Variants in ROGDI observed in about 807,000 individuals in gnomAD.
ROGDI encodes protein rogdi homolog.
A neutral mutation model predicts 43.1 loss-of-function variants in ROGDI; 46 were observed. That is an observed-to-expected ratio of 1.07 (90% confidence interval 0.84 to 1.37). The LOEUF is 1.37. ROGDI is among the 40% of genes most tolerant of loss of function. The probability of loss-of-function intolerance (pLI) is 0.00; values close to 1 mark genes in which losing one functional copy is unlikely to be tolerated. For synonymous variants in ROGDI, 243 were observed against 162.0 expected (o/e 1.50, Z -3.80); for missense variants, 518 against 383.9 (o/e 1.35, Z -2.92).
rs912546744 is a variant in ROGDI at position 4,800,538 on chromosome 16, T to C, written c.296A>G (p.His99Arg). 1.1e-5 allele frequency: 18 copies of C among 1,565,542 alleles called. No individual in the cohort carries two copies. The highest frequency in any genetic ancestry group is 2.7e-5 in the African/African-American group (2 of 73,842). ...LKMPRNNQLLHFAFREDKQWK... is the reference protein window; with the variant it reads ...LKMPRNNQLLRFAFREDKQWK... ...CTGCTTGTCCTCCCGGAAGGCGAAG[T>C]GCAGCAGCTGGTTGTTCCGGGGCAT... Residue 99 changes from histidine (H) to arginine (R), a missense_variant, in exon 5 of 11, where the codon CAC becomes CGC. Coordinates refer to ENST00000322048, the MANE Select transcript of ROGDI (RefSeq NM_024589.3).
At chr16:4,801,682 G>T (rs2082723329) in intron 2 of ROGDI, 97 bp from the exon 3 acceptor site, 11 of 1,206,656 alleles carry the variant, frequency 9.1e-6, no homozygotes, top group Admixed American at 4.0e-5. Context: ...TCAGCGGGGG[G>T]AAGGAACAAC....
intron 4 of ROGDI, 121 bp from the exon 5 acceptor site, chr16:4,800,699 T>A: frequency 1.3e-6 from 1 of 791,186 alleles, no homozygotes; most frequent in Non-Finnish European, 2.1e-6. Flanking sequence ...GGCCGCTGTA[T>A]AGGGCAGAGG....
At chr16:4,798,475 C>A in intron 7 of ROGDI, 94 bp downstream of exon 7, 3 of 979,814 alleles carry the variant, frequency 3.1e-6, no homozygotes, top group Non-Finnish European at 3.0e-6. Flanking sequence ...CACCTATAAT[C>A]TGGGAGTGGC....
rs566665742 is a variant in ROGDI at position 4,798,184 on chromosome 16, G to A, written c.532C>T (p.Arg178Trp). 2.3e-5 allele frequency: 37 copies of A among 1,611,958 alleles called. No homozygotes were observed. The South Asian group carries it at 2.8e-4, about 12-fold the overall frequency. Residue 178 changes from arginine to tryptophan, a missense_variant and splice_region_variant, in exon 8 of 11, where the codon CGG becomes TGG. Transcript: ENST00000322048. ...LPEIAASGLTRMFAPALPSDL... is the reference protein window; with the variant it reads ...LPEIAASGLTWMFAPALPSDL... ...GACGGCAGGGCAGGGGCGAACATCC[G>A]CTGCGGGAGGCAGGTGGGATGAGGC...
In ROGDI at chr16:4,798,506, A is replaced by C. The variant is rs1165742774; in HGVS notation, c.531+63T>G. The stretch of plus-strand genomic sequence containing the variant: ...GTGGCACCCCTCCGCGTCCATCCTG[A>C]GGGCAAGCTGGGACCCACTGTGGGA... On this transcript the variant is annotated intron_variant, in intron 7 of 10. Transcript: ENST00000322048. The C allele has an allele frequency of 2.3e-6, 3 of 1,317,868 alleles. No homozygotes were observed. In the East Asian group the frequency reaches 7.5e-5, roughly 33 times the overall value. The allele number at this position is 1,317,868 out of a possible 1,614,324, so 81.6% of individuals were successfully genotyped here. A position where few individuals can be genotyped will look rare whatever the true frequency, so the allele number is the denominator to read the frequency against.
At chr16:4,797,650 C>G in intron 10 of ROGDI, 64 bp downstream of exon 10, 3 of 1,609,870 alleles carry the variant, frequency 1.9e-6, no homozygotes, top group Non-Finnish European at 2.5e-6. Context: ...TTGGGGCGCT[C>G]TGAGGGTGTG....
In ROGDI at chr16:4,799,635, G is replaced by A. The variant is rs369815951; in HGVS notation, c.432+51C>T. On this transcript the variant is annotated intron_variant, in intron 6 of 10. Coordinates refer to ENST00000322048, the MANE Select transcript of ROGDI (RefSeq NM_024589.3). Reference sequence around the variant, plus strand: ...GGGATTGGAACCCAGGTGTGATTCCGGATCAAGAACGTGGGACTAGGCCCA... The same window carrying A: ...GGGATTGGAACCCAGGTGTGATTCCAGATCAAGAACGTGGGACTAGGCCCA... 468 of 1,413,160 alleles carry A rather than the reference G, an allele frequency of 3.3e-4. 1 individual carries two copies. The highest frequency in any genetic ancestry group is 4.4e-4 in the Non-Finnish European group (442 of 1,010,760). The allele number at this position is 1,413,160 out of a possible 1,614,324, so 87.5% of individuals were successfully genotyped here.
chr16:4,802,606 G>T lies in ROGDI; in HGVS notation c.-35C>A. Reference sequence around the variant, plus strand: ...CCGCCGCCGAGCGCCCTCCCCACCGGCCGCTGCTCCTGTCCACCAATCTTT... The same window carrying T: ...CCGCCGCCGAGCGCCCTCCCCACCGTCCGCTGCTCCTGTCCACCAATCTTT... On this transcript the variant is annotated 5_prime_UTR_variant, in exon 1 of 11. Coordinates refer to ENST00000322048, the MANE Select transcript of ROGDI (RefSeq NM_024589.3). The T allele has an allele frequency of 7.7e-7, 1 of 1,298,324 alleles. No homozygotes were observed. The highest frequency in any genetic ancestry group is 9.8e-7 in the Non-Finnish European group (1 of 1,020,978). The allele number at this position is 1,298,324 out of a possible 1,614,324, so 80.4% of individuals were successfully genotyped here.
Position 4,801,589 on chromosome 16 carries a change from T to G in ROGDI, c.118-4A>C. 6.3e-7 allele frequency: 1 copy of G among 1,592,898 alleles called. No homozygotes were observed. Among genetic ancestry groups the G allele is most frequent in the Non-Finnish European group, 8.5e-7 (1 of 1,169,838 alleles). ...GAGTGAAGCGCAGAGAGGCCTCCTG[T>G]GGAACAGAGGGAAGGAGGGGAGCTG... On this transcript the variant is annotated splice_region_variant and splice_polypyrimidine_tract_variant and intron_variant, in intron 2 of 10. Transcript: ENST00000322048.
At chr16:4,800,355 C>A in intron 5 of ROGDI, 143 bp downstream of exon 5, 1 of 690,988 alleles carries the variant, frequency 1.4e-6, no homozygotes, top group Non-Finnish European at 2.5e-6. Context: ...ACGCCTGCCC[C>A]CAGCTTTGCT....
chr16:4,801,290 G>A lies in ROGDI; in HGVS notation c.232C>T (p.Gln78Ter). ...TDQVKGVLTL[Q>*]GDALSQADVN... ...ACCGCCTGGCTGAGGGCATCCCCCT[G>A]CAGAGTCAGCACACCCTTCACCTGG... Residue 78 changes from glutamine to a stop codon, truncating the protein, a stop_gained, in exon 4 of 11, where the codon CAG becomes TAG. Transcript: ENST00000322048. LOFTEE classifies it high-confidence loss of function. The A allele has an allele frequency of 6.2e-7, 1 of 1,608,930 alleles. No individual in the cohort carries two copies. Among genetic ancestry groups the A allele is most frequent in the East Asian group, 2.2e-5 (1 of 44,796 alleles).
chr16:4,798,763 G>A, intron 6 of ROGDI, 96 bp from the exon 7 acceptor site: 1 of 1,049,354 alleles, frequency 9.5e-7, no homozygotes, highest in Non-Finnish European at 1.4e-6. Context: ...CCAGCCCAGT[G>A]GCTACTGTTC....
At chr16:4,798,277 A>AC in intron 7 of ROGDI, 93 bp from the exon 8 acceptor site, 1 of 1,054,974 alleles carries the variant, frequency 9.5e-7, no homozygotes, top group Non-Finnish European at 1.4e-6. Flanking sequence ...TCTGCAGGGG[A>AC]TCCCAGTCCC....
chr16:4,800,331 C>A (rs138311417), intron 5 of ROGDI, among the ~76,000 whole-genome samples, 167 bp downstream of exon 5: 137 of 152,346 alleles, frequency 9.0e-4, no homozygotes, highest in African/African-American at 3.2e-3. Context: ...GCGCAGCCTC[C>A]AGGGCTTCAG....
chr16:4,799,370 G>A (rs941792503), intron 6 of ROGDI, among the ~76,000 whole-genome samples: 1 of 152,138 alleles, frequency 6.6e-6, no homozygotes, highest in African/African-American at 2.4e-5. Flanking sequence ...GTCAGGGGCA[G>A]AACTCAAGCA....
At chr16:4,800,128 C>T (rs993420974) in intron 5 of ROGDI, among the ~76,000 whole-genome samples, 2 of 152,098 alleles carry the variant, frequency 1.3e-5, no homozygotes, top group Admixed American at 6.5e-5. Flanking sequence ...AGGCTGGGGC[C>T]CATTGGTACA....
chr16:4,801,461 C>A (rs775548478), intron 3 of ROGDI, 42 bp downstream of exon 3: 41 of 1,580,772 alleles, frequency 2.6e-5, no homozygotes, highest in Admixed American at 7.4e-5. Context: ...TCCTACCCCC[C>A]AAGGTACCCA....
chr16:4,797,685 C>T (rs778139927), intron 10 of ROGDI, 29 bp downstream of exon 10: 2 of 1,150,326 alleles, frequency 1.7e-6, no homozygotes, highest in South Asian at 1.8e-5. Flanking sequence ...AAGTCCTTCC[C>T]CTAATGAAGG....
At chr16:4,800,616 G>A (rs1471601406) in intron 4 of ROGDI, 38 bp from the exon 5 acceptor site, 1 of 1,487,450 alleles carries the variant, frequency 6.7e-7, no homozygotes, top group Non-Finnish European at 9.2e-7. Flanking sequence ...GCAGTGGGGG[G>A]GCACCTCCTG....
Sources: gnomAD v4.1 joint callset for allele counts (sites outside exome capture counted in the v4.1 genomes callset) on GRCh38, gnomAD v4.1.1 for gene constraint, MANE v1.5 for transcripts, NCBI Gene and HGNC (gene_info 2026-07-23, HGNC 2026-07-21) for gene names.